Variants in KIAA2012 observed in about 807,000 individuals in gnomAD.
KIAA2012 encodes the protein uncharacterized protein KIAA2012.
KIAA2012 carries 125 observed loss-of-function variants against 150.6 expected under a neutral mutation model. The observed-to-expected ratio is 0.83, with a 90% CI of 0.72 to 0.96. The LOEUF (loss-of-function observed/expected upper bound fraction) is 0.96. Ranked by LOEUF, KIAA2012 falls within the 40% of genes least tolerant of loss-of-function variation. The pLI, the probability that KIAA2012 is intolerant of heterozygous loss-of-function variation, is 0.00. For missense variants in KIAA2012, 1,219 were observed against 1,354.9 expected (o/e 0.90, Z 1.57); for synonymous variants, 462 against 504.7 (o/e 0.92, Z 1.13).
intron 11 of KIAA2012, among the ~76,000 whole-genome samples, chr2:202,117,815 C>G (rs1461014143): frequency 6.6e-6 from 1 of 152,222 alleles, no homozygotes; most frequent in Admixed American, 6.5e-5. Context: ...CTTCCTAGAG[C>G]CTCCGATATG....
rs757320909 is a variant in KIAA2012 at position 202,090,947 on chromosome 2, AG to A, written c.529+24del. 2.6e-6 allele frequency: 4 copies of A among 1,530,436 alleles called. No homozygotes were observed. The highest frequency in any genetic ancestry group is 2.4e-5 in the South Asian group (2 of 82,290). The allele number at this position is 1,530,436 out of a possible 1,614,324, so 94.8% of individuals were successfully genotyped here. A position where few individuals can be genotyped will look rare whatever the true frequency, so the allele number is the denominator to read the frequency against. On this transcript the variant is annotated intron_variant, in intron 3 of 23. Transcript: ENST00000498697. ...GTGCGCAGGTCAGTGGGGAAATGGG[AG>A]GGGGGCACACCCCAAACTGCCCCAC...
At chr2:202,160,148 C>T (rs1032177343) in intron 14 of KIAA2012, among the ~76,000 whole-genome samples, 2 of 152,012 alleles carry the variant, frequency 1.3e-5, no homozygotes, top group Non-Finnish European at 2.9e-5. Flanking sequence ...GCCAAAAATC[C>T]CCACAATATC....
intron 14 of KIAA2012, among the ~76,000 whole-genome samples, chr2:202,156,682 G>A (rs1293271719): frequency 2.6e-5 from 4 of 152,106 alleles, no homozygotes; most frequent in Admixed American, 6.6e-5. Context: ...TCAGGAGATC[G>A]AGACCAGCCT....
chr2:202,127,170 G>T (rs1690813658), intron 12 of KIAA2012, among the ~76,000 whole-genome samples: 1 of 151,520 alleles, frequency 6.6e-6, no homozygotes, highest in Non-Finnish European at 1.5e-5. Flanking sequence ...TTTCAAGCAA[G>T]ATAAGCCTGT....
intron 13 of KIAA2012, among the ~76,000 whole-genome samples, chr2:202,148,739 C>G (rs1231086573): frequency 6.6e-6 from 1 of 152,198 alleles, no homozygotes; most frequent in African/African-American, 2.4e-5. Flanking sequence ...TGGAGGCCTC[C>G]TCCCTTCCAG....
Position 202,093,161 on chromosome 2 carries a change from C to T in KIAA2012, c.661C>T (p.Gln221Ter). 1 of 1,551,176 alleles carries T rather than the reference C, an allele frequency of 6.4e-7. No homozygotes were observed. Among genetic ancestry groups the T allele is most frequent in the Non-Finnish European group, 8.7e-7 (1 of 1,147,104 alleles). ...GCCTGTCTTCCCTTCATTTTGGATT[C>T]AACAAGGAAAATCTTTTGAACAACG... Reference protein sequence around the residue: ...LLPVFPSFWIQQGKSFEQRQQ... With the variant: ...LLPVFPSFWI The change falls in exon 4 of 24, where the codon CAA (glutamine) becomes TAA (stop). Residue 221 changes from glutamine (Q) to a stop codon, truncating the protein, a stop_gained. Transcript: ENST00000498697. LOFTEE classifies it high-confidence loss of function.
At chr2:202,109,188 TCTC>T (rs2105926785) in intron 9 of KIAA2012, among the ~76,000 whole-genome samples, 1 of 152,284 alleles carries the variant, frequency 6.6e-6, no homozygotes, top group African/African-American at 2.4e-5. Flanking sequence ...AAAGCTGGGA[TCTC>T]CCTAGTCAGA....
intron 2 of KIAA2012, among the ~76,000 whole-genome samples, chr2:202,080,569 A>G (rs4675255): frequency 0.15 from 22,138 of 151,728 alleles, 2,187 homozygotes; most frequent in East Asian, 0.32. Context: ...GGTGGTGCAT[A>G]CCTGTAATCC....
At chr2:202,167,324 A>G (rs1038635595) in intron 15 of KIAA2012, among the ~76,000 whole-genome samples, 3 of 152,222 alleles carry the variant, frequency 2.0e-5, no homozygotes, top group Admixed American at 6.5e-5. Flanking sequence ...GGCTTATTAA[A>G]CTAAAGATTT....
At position 202,165,911 on chromosome 2, in the gene KIAA2012, T is replaced by C. The variant is rs180833265; in HGVS notation, c.2119+555T>C. Among the ~76,000 whole-genome samples, 6 of 152,332 alleles carry C rather than the reference T, an allele frequency of 3.9e-5. No homozygotes were observed. In the East Asian group the frequency reaches 1.2e-3, roughly 29 times the overall value. On this transcript the variant is annotated intron_variant, in intron 15 of 23. Coordinates refer to ENST00000498697, the MANE Select transcript of KIAA2012 (RefSeq NM_001277372.4). ...ACAATATATCATGGTAGCCTGATCC[T>C]GGGTTTGGTTAAGCTTCTAAGCAGA...
intron 13 of KIAA2012, among the ~76,000 whole-genome samples, chr2:202,141,773 C>G (rs1418115892): frequency 2.6e-5 from 4 of 152,160 alleles, no homozygotes; most frequent in African/African-American, 9.7e-5. Flanking sequence ...CCTCGGTGAG[C>G]TGCTGACATC....
intron 9 of KIAA2012, among the ~76,000 whole-genome samples, 195 bp from the exon 10 acceptor site, chr2:202,109,418 G>A (rs928758533): frequency 1.3e-5 from 2 of 152,098 alleles, no homozygotes; most frequent in African/African-American, 2.4e-5. Context: ...TGGAAAAGAG[G>A]GACAAACCTG....
At chr2:202,193,271 T>C (rs1161557731) in intron 19 of KIAA2012, 30 bp from the exon 20 acceptor site, 1 of 1,544,170 alleles carries the variant, frequency 6.5e-7, no homozygotes, top group Non-Finnish European at 8.7e-7. Flanking sequence ...CCCATCTGTT[T>C]ATTGCACTGA....
intron 23 of KIAA2012, among the ~76,000 whole-genome samples, chr2:202,202,807 G>A (rs1036911069): frequency 6.6e-6 from 1 of 151,926 alleles, no homozygotes; most frequent in African/African-American, 2.4e-5. Context: ...GGGTGTGCCT[G>A]TAATCCCAGC....
At chr2:202,183,594 C>T (rs909462729) in intron 15 of KIAA2012, among the ~76,000 whole-genome samples, 4 of 151,268 alleles carry the variant, frequency 2.6e-5, no homozygotes, top group Admixed American at 2.0e-4. Context: ...ACCTCCACCT[C>T]CCAGGTTCAA....
chr2:202,194,129 C>T (rs1435419661), intron 20 of KIAA2012, 61 bp from the exon 21 acceptor site: 26 of 1,530,668 alleles, frequency 1.7e-5, no homozygotes, highest in East Asian at 2.5e-5. Flanking sequence ...TCTGTTGGCT[C>T]ATCTCACAAG....
chr2:202,195,183 A>G (rs1472160151), intron 21 of KIAA2012, among the ~76,000 whole-genome samples: 4 of 152,156 alleles, frequency 2.6e-5, no homozygotes, highest in African/African-American at 9.7e-5. Context: ...TTGCATATCC[A>G]TCACTTCAAA....
chr2:202,108,847 A>T (rs1690269675), intron 9 of KIAA2012, among the ~76,000 whole-genome samples: 1 of 152,214 alleles, frequency 6.6e-6, no homozygotes, highest in Non-Finnish European at 1.5e-5. Context: ...ACATGAAGCC[A>T]ATTTTTAAAC....
chr2:202,129,153 C>G (rs1690866946), intron 12 of KIAA2012, among the ~76,000 whole-genome samples: 1 of 151,930 alleles, frequency 6.6e-6, no homozygotes, highest in African/African-American at 2.4e-5. Flanking sequence ...TACCTGATAC[C>G]CCCTGGAACT....
Sources: allele counts gnomAD v4.1 joint callset (sites outside exome capture counted in the v4.1 genomes callset), GRCh38; gene constraint gnomAD v4.1.1; transcripts MANE v1.5; gene names NCBI Gene and HGNC (gene_info 2026-07-23, HGNC 2026-07-21).